Variants in OPRM1 observed in about 807,000 individuals in gnomAD.
OPRM1 encodes opioid receptor mu 1.
Under a neutral mutation model 31.8 loss-of-function variants are expected in OPRM1, and 27 were observed. That is an observed-to-expected ratio of 0.85 (90% CI 0.63 to 1.17). The LOEUF is 1.17. OPRM1 is among the 50% of genes most tolerant of loss of function. OPRM1 has a pLI of 0.00. For synonymous variants in OPRM1, 196 were observed against 189.9 expected (o/e 1.03, Z -0.26); for missense variants, 536 against 511.1 (o/e 1.05, Z -0.47).
intron 3 of OPRM1, among the ~76,000 whole-genome samples, chr6:154,140,780 A>C (rs1194534547): frequency 6.6e-6 from 1 of 152,212 alleles, no homozygotes; most frequent in Non-Finnish European, 1.5e-5. Flanking sequence ...ACGGCCTGGC[A>C]GGAGAAGGCA....
At chr6:154,100,097 T>G (rs1216266561) in intron 3 of OPRM1, among the ~76,000 whole-genome samples, 1 of 58,394 alleles carries the variant, frequency 1.7e-5, no homozygotes, top group Non-Finnish European at 3.2e-5. Flanking sequence ...ATTATCATAT[T>G]ATGATATATA....
rs146605978 is a variant in OPRM1, at chr6:154,028,804, C to G, written c.1-10357C>G. Among the ~76,000 whole-genome samples, 3 of 152,290 alleles carry G rather than the reference C, an allele frequency of 2.0e-5. No individual in the cohort carries two copies. The East Asian group carries it at 5.8e-4, about 29-fold the overall frequency. ...TCTACCTAGCACACAGAAGCACTCT[C>G]CATACACTGCCCACCCACTGCTGGG... On this transcript the variant is annotated intron_variant, in intron 1 of 5. Coordinates refer to the OPRM1 transcript ENST00000434900.
chr6:154,075,672 A>T (rs540232419), intron 1 of OPRM1, among the ~76,000 whole-genome samples: 1 of 152,230 alleles, frequency 6.6e-6, no homozygotes, highest in South Asian at 2.1e-4. Context: ...GGCTGGTCTC[A>T]AACTCCTGAC....
intron 3 of OPRM1, among the ~76,000 whole-genome samples, chr6:154,165,012 G>A (rs1029510478): frequency 3.9e-5 from 6 of 152,034 alleles, no homozygotes; most frequent in Non-Finnish European, 5.9e-5. Context: ...ATGCACCTGC[G>A]GCAAATATAA....
chr6:154,178,680 T>C (rs1010289862), intron 3 of OPRM1, among the ~76,000 whole-genome samples: 1 of 152,128 alleles, frequency 6.6e-6, no homozygotes, highest in Admixed American at 6.6e-5. Flanking sequence ...TATATTATGC[T>C]CAAAAAAACC....
At chr6:154,026,473 T>C (rs1172170350) in intron 1 of OPRM1, among the ~76,000 whole-genome samples, 1 of 152,164 alleles carries the variant, frequency 6.6e-6, no homozygotes, top group East Asian at 1.9e-4. Context: ...AATATTGCTA[T>C]CTTTCTCTAG....
intron 3 of OPRM1, among the ~76,000 whole-genome samples, chr6:154,240,672 A>C (rs147752280): frequency 1.3e-5 from 2 of 152,366 alleles, no homozygotes; most frequent in Non-Finnish European, 2.9e-5. Flanking sequence ...AGATTCTCAT[A>C]AAACTGATTT....
At chr6:154,047,309 G>A (rs777649105) in intron 1 of OPRM1, among the ~76,000 whole-genome samples, 7 of 151,928 alleles carry the variant, frequency 4.6e-5, no homozygotes, top group Non-Finnish European at 1.0e-4. Flanking sequence ...TTGTGTACCT[G>A]AGGGCCTGGG....
chr6:154,143,853 A>G (rs565818552), intron 3 of OPRM1, among the ~76,000 whole-genome samples: 161 of 152,334 alleles, frequency 1.1e-3, no homozygotes, highest in Non-Finnish European at 1.6e-4. Context: ...ACAGAAAAAC[A>G]ATAGAGAAAA....
At chr6:154,148,340 G>A (rs963332594) in intron 3 of OPRM1, among the ~76,000 whole-genome samples, 2 of 152,224 alleles carry the variant, frequency 1.3e-5, no homozygotes, top group East Asian at 3.8e-4. Flanking sequence ...CAAGTATCTG[G>A]TTGATGTCCA....
rs1779540597 is a variant in OPRM1 at position 154,039,339 on chromosome 6, G to A, written c.-206G>A. ...CCTCTGTGAACTACTAAGGTGGGAG[G>A]GGGCTATACGCAGAGGAGAATGTCA... On this transcript the variant is annotated 5_prime_UTR_variant, in exon 1 of 4. Coordinates refer to ENST00000330432, the MANE Select transcript of OPRM1 (RefSeq NM_000914.5). 1 of 1,548,406 alleles carries A rather than the reference G, an allele frequency of 6.5e-7. No individual in the cohort carries two copies. The highest frequency in any genetic ancestry group is 2.0e-5 in the Admixed American group (1 of 50,796).
At position 154,130,729 on chromosome 6, in the gene OPRM1, T is replaced by C. The variant is rs182814686; in HGVS notation, c.*12008T>C. ...CATTCCATAAAAATATATCTACCAA[T>C]ATAAATAGAATATATAAAGGGAATA... is the stretch of plus-strand genomic sequence containing the variant. On this transcript the variant is annotated 3_prime_UTR_variant, in exon 4 of 4. Transcript: ENST00000330432. 7.9e-5 allele frequency among the ~76,000 whole-genome samples: 12 copies of C among 151,934 alleles called. No individual in the cohort carries two copies. In the South Asian group the frequency reaches 1.0e-3, roughly 13 times the overall value.
rs543695202 is a variant in OPRM1, at chr6:154,125,789, A to ATTTTT, written c.*7095_*7099dup. Among the ~76,000 whole-genome samples the ATTTTT allele has an allele frequency of 9.3e-5, 2 of 21,408 alleles. No individual in the cohort carries two copies. The highest frequency in any genetic ancestry group is 2.3e-4 in the African/African-American group (2 of 8,612). 14.0% of individuals were successfully genotyped at this position (21,408 alleles called of 152,430 possible). ...TTTGCATTGCCCACTAAGGCTAGAC[A>ATTTTT]TTTTTTTTTTTTTTTTTTTTTTTTT... On this transcript the variant is annotated 3_prime_UTR_variant, in exon 4 of 4. Transcript: ENST00000330432.
intron 3 of OPRM1, among the ~76,000 whole-genome samples, chr6:154,170,709 T>G (rs1416323243): frequency 6.6e-6 from 1 of 152,142 alleles, no homozygotes; most frequent in South Asian, 2.1e-4. Flanking sequence ...GTATCATCAG[T>G]CATGAGGGAA....
At chr6:154,077,464 CT>C (rs1170986991) in intron 1 of OPRM1, among the ~76,000 whole-genome samples, 7 of 150,912 alleles carry the variant, frequency 4.6e-5, no homozygotes, top group Non-Finnish European at 1.0e-4. Context: ...TGTATGGTGG[CT>C]CACGCCTGTA....
intron 1 of OPRM1, among the ~76,000 whole-genome samples, chr6:154,064,764 G>A (rs1562417818): frequency 1.3e-5 from 2 of 152,142 alleles, no homozygotes; most frequent in Non-Finnish European, 2.9e-5. Context: ...TCCATTGAAA[G>A]GTCTTGGAAC....
intron 3 of OPRM1, among the ~76,000 whole-genome samples, chr6:154,146,357 G>T (rs1045578899): frequency 6.6e-6 from 1 of 152,300 alleles, no homozygotes; most frequent in African/African-American, 2.4e-5. Context: ...CTGAGATCGT[G>T]CCACTGCACT....
chr6:154,110,434 A>G lies in OPRM1; in HGVS notation c.1165-8249A>G, dbSNP rs772462935. ...TAATAATTACAATATTTTCCCGTGA[A>G]AGAATATAAGATTGGAAGCCAGAGA... is the stretch of plus-strand genomic sequence containing the variant. On this transcript the variant is annotated intron_variant, in intron 3 of 3. Coordinates refer to ENST00000330432, the MANE Select transcript of OPRM1 (RefSeq NM_000914.5). 8.3e-6 allele frequency: 12 copies of G among 1,444,850 alleles called. No individual in the cohort carries two copies. The Middle Eastern group carries it at 8.7e-4, about 104-fold the overall frequency. 89.5% of individuals were successfully genotyped at this position (1,444,850 alleles called of 1,614,324 possible).
chr6:154,094,943 G>C (rs963137267), intron 3 of OPRM1, among the ~76,000 whole-genome samples: 2 of 152,202 alleles, frequency 1.3e-5, no homozygotes, highest in East Asian at 3.9e-4. Context: ...TACTTCCTGA[G>C]GGCAGGAGCC....
Sources: gnomAD v4.1 joint callset for allele counts (sites outside exome capture counted in the v4.1 genomes callset) on GRCh38, gnomAD v4.1.1 for gene constraint, MANE v1.5 for transcripts, NCBI Gene and HGNC (gene_info 2026-07-23, HGNC 2026-07-21) for gene names.